CNTNAP2: variants seen among roughly 807,000 people sequenced by gnomAD.
The protein encoded by CNTNAP2 is contactin-associated protein-like 2.
CNTNAP2 carries 98 observed loss-of-function variants against 155.2 expected under a neutral mutation model. The ratio of observed to expected loss-of-function variants is 0.63; its 90% CI spans 0.54 to 0.75. CNTNAP2 has a LOEUF of 0.75. Ranked by LOEUF, CNTNAP2 falls within the 30% of genes least tolerant of loss-of-function variation. CNTNAP2 has a pLI of 0.00. For missense variants in CNTNAP2, 1,727 were observed against 1,688.1 expected, an observed-to-expected ratio of 1.02 and a Z score of -0.40; for synonymous variants, 651 against 631.2, an observed-to-expected ratio of 1.03 and a Z score of -0.47.
intron 1 of CNTNAP2, among the ~76,000 whole-genome samples, chr7:146,297,237 A>C (rs112961760): frequency 0.017 from 2,628 of 152,160 alleles, 64 homozygotes; most frequent in African/African-American, 0.059. Flanking sequence ...TGCATTTCCT[A>C]ATATATCTAT....
At chr7:146,822,365 A>G (rs1351540214) in intron 2 of CNTNAP2, among the ~76,000 whole-genome samples, 1 of 152,004 alleles carries the variant, frequency 6.6e-6, no homozygotes, top group Admixed American at 6.6e-5. Flanking sequence ...AGATATACCT[A>G]ATGCTAAATG....
chr7:147,831,481 C>A (rs1798543767), intron 13 of CNTNAP2, among the ~76,000 whole-genome samples: 1 of 152,130 alleles, frequency 6.6e-6, no homozygotes, highest in Admixed American at 6.6e-5. Context: ...TAGTTGCCTT[C>A]AGCCAGGTGG....
chr7:146,315,009 G>A (rs951950599), intron 1 of CNTNAP2, among the ~76,000 whole-genome samples: 4 of 152,228 alleles, frequency 2.6e-5, no homozygotes, highest in African/African-American at 9.6e-5. Flanking sequence ...AGACTGCAGG[G>A]CTGGGATTAG....
intron 12 of CNTNAP2, among the ~76,000 whole-genome samples, chr7:147,624,553 A>G (rs576508109): frequency 3.3e-5 from 5 of 152,314 alleles, no homozygotes; most frequent in African/African-American, 1.2e-4. Flanking sequence ...CAAAACAACA[A>G]TGAAATATCA....
intron 1 of CNTNAP2, among the ~76,000 whole-genome samples, chr7:146,341,235 C>G (rs1357237653): frequency 6.6e-6 from 1 of 151,964 alleles, no homozygotes; most frequent in Non-Finnish European, 1.5e-5. Flanking sequence ...AATGAAATGC[C>G]ACTAATTTGA....
intron 1 of CNTNAP2, among the ~76,000 whole-genome samples, chr7:146,744,523 C>T (rs181822934): frequency 4.4e-4 from 67 of 152,264 alleles, no homozygotes; most frequent in African/African-American, 1.5e-3. Context: ...GTGCTAGAGT[C>T]TTTACGATGC....
chr7:148,158,381 C>G (rs1805445859), intron 17 of CNTNAP2, among the ~76,000 whole-genome samples: 1 of 152,006 alleles, frequency 6.6e-6, no homozygotes, highest in Non-Finnish European at 1.5e-5. Flanking sequence ...CGTCACCACA[C>G]CCAGCTAATT....
rs151011615 is a variant in CNTNAP2, at chr7:146,322,815, T to C, written c.97+205842T>C. 2.9e-3 allele frequency among the ~76,000 whole-genome samples: 446 copies of C among 151,942 alleles called. 2 individuals carry two copies. Among genetic ancestry groups the C allele is most frequent in the Middle Eastern group, 0.014 (4 of 292 alleles). On this transcript the variant is annotated intron_variant, in intron 1 of 23. Coordinates refer to ENST00000361727, the MANE Select transcript of CNTNAP2 (RefSeq NM_014141.6). ...GAGGCCAAAATAGAAAATTTGATTC[T>C]AGTGGATGGTTTATCGCATGATACA...
At chr7:146,208,571 T>G (rs1442533734) in intron 1 of CNTNAP2, 1 of 152,020 alleles carries the variant, frequency 6.6e-6, no homozygotes, top group East Asian at 1.9e-4. Context: ...AGATAATGGT[T>G]GCCCTTTTTC....
intron 1 of CNTNAP2, among the ~76,000 whole-genome samples, chr7:146,622,818 A>G (rs1401894850): frequency 1.3e-5 from 2 of 151,996 alleles, no homozygotes; most frequent in South Asian, 2.1e-4. Context: ...TTAGCCGGGC[A>G]TGGTGGCCTG....
chr7:146,479,522 T>A (rs900553487), intron 1 of CNTNAP2, among the ~76,000 whole-genome samples: 20 of 152,050 alleles, frequency 1.3e-4, no homozygotes, highest in African/African-American at 1.4e-4. Flanking sequence ...ATTTACATAA[T>A]AAATGAGATT....
At chr7:148,340,586 G>C (rs78248864) in intron 21 of CNTNAP2, among the ~76,000 whole-genome samples, 2,117 of 152,306 alleles carry the variant, frequency 0.014, 47 homozygotes, top group African/African-American at 0.048. Context: ...GAATAGAATT[G>C]ATTCTCGCTT....
intron 1 of CNTNAP2, among the ~76,000 whole-genome samples, chr7:146,319,599 T>TATACTCTTTG (rs1228759036): frequency 8.5e-5 from 13 of 152,244 alleles, no homozygotes; most frequent in Non-Finnish European, 1.9e-4. Flanking sequence ...TTTGATTTCT[T>TATACTCTTTG]ATACTCTTTG....
chr7:146,799,480 C>A (rs1043181503), intron 2 of CNTNAP2, among the ~76,000 whole-genome samples: 3 of 152,200 alleles, frequency 2.0e-5, no homozygotes, highest in African/African-American at 7.2e-5. Flanking sequence ...TTTCTTTATG[C>A]ACATTCGAGT....
Position 147,716,230 on chromosome 7 carries a change from T to C in CNTNAP2, c.2098+76924T>C, listed in dbSNP as rs188847037. Among the ~76,000 whole-genome samples, 8 of 152,278 alleles carry C rather than the reference T, an allele frequency of 5.3e-5. 1 individual carries two copies. In the East Asian group the frequency reaches 1.5e-3, roughly 29 times the overall value. ...TTTCTGGGGTAATACCCAAGGTTTGTTGTCTTATGTCACAGATATCGAGGA... is the reference window on the plus strand; with the variant it reads ...TTTCTGGGGTAATACCCAAGGTTTGCTGTCTTATGTCACAGATATCGAGGA... On this transcript the variant is annotated intron_variant, in intron 13 of 23. Coordinates refer to ENST00000361727, the MANE Select transcript of CNTNAP2 (RefSeq NM_014141.6).
At chr7:147,769,852 C>T (rs1305653971) in intron 13 of CNTNAP2, among the ~76,000 whole-genome samples, 1 of 152,098 alleles carries the variant, frequency 6.6e-6, no homozygotes. Context: ...ATAGTGTCCT[C>T]AGCTGCAAAT....
chr7:147,641,910 G>A (rs1329934209), intron 13 of CNTNAP2, among the ~76,000 whole-genome samples: 2 of 152,052 alleles, frequency 1.3e-5, no homozygotes, highest in Admixed American at 1.3e-4. Context: ...AATACAATGG[G>A]GTTCCAAGTG....
At chr7:146,492,118 A>G (rs946951542) in intron 1 of CNTNAP2, among the ~76,000 whole-genome samples, 3 of 152,090 alleles carry the variant, frequency 2.0e-5, no homozygotes, top group Non-Finnish European at 4.4e-5. Flanking sequence ...CAAACAAACA[A>G]AACTTATTTT....
chr7:146,821,770 A>G (rs1308599003), intron 2 of CNTNAP2, among the ~76,000 whole-genome samples: 1 of 152,016 alleles, frequency 6.6e-6, no homozygotes, highest in Non-Finnish European at 1.5e-5. Context: ...AACCACAATG[A>G]GATACCATCT....
Sources: allele counts gnomAD v4.1 joint callset (sites outside exome capture counted in the v4.1 genomes callset), GRCh38; gene constraint gnomAD v4.1.1; transcripts MANE v1.5; gene names NCBI Gene and HGNC (gene_info 2026-07-23, HGNC 2026-07-21).